The following THSD7A variants were observed in gnomAD, a reference collection of about 807,000 sequenced individuals.
THSD7A encodes thrombospondin type 1 domain containing 7A.
In THSD7A, 96 loss-of-function variants were observed where a neutral mutation model predicts 231.3. The observed-to-expected ratio is 0.41, with a 90% CI of 0.35 to 0.49. The LOEUF (loss-of-function observed/expected upper bound fraction) is 0.49, where lower values mean the gene tolerates loss of function less well. Ranked by LOEUF, THSD7A falls within the 20% of genes least tolerant of loss-of-function variation. The probability of loss-of-function intolerance (pLI) is 0.05; values close to 1 mark genes in which losing one functional copy is unlikely to be tolerated. For synonymous variants in THSD7A, 940 were observed against 743.3 expected, an observed-to-expected ratio of 1.26 and a Z score of -4.30; for missense variants, 2,290 against 2,070.2, an observed-to-expected ratio of 1.11 and a Z score of -2.06.
At chr7:11,486,473 A>T in intron 6 of THSD7A, among the ~76,000 whole-genome samples, 1 of 152,192 alleles carries the variant, frequency 6.6e-6, no homozygotes, top group East Asian at 1.9e-4. Context: ...AGATGTCCCC[A>T]CTATAGAACT....
chr7:11,756,918 A>G (rs959315407), intron 1 of THSD7A, among the ~76,000 whole-genome samples: 1 of 151,984 alleles, frequency 6.6e-6, no homozygotes, highest in East Asian at 1.9e-4. Flanking sequence ...AGGAAATAAC[A>G]TGTTCTTTAG....
At chr7:11,459,164 G>C (rs1785410697) in intron 11 of THSD7A, among the ~76,000 whole-genome samples, 1 of 151,748 alleles carries the variant, frequency 6.6e-6, no homozygotes, top group Non-Finnish European at 1.5e-5. Context: ...ATGAAAATTT[G>C]AATAATCCTA....
At chr7:11,510,870 G>C (rs902810856) in intron 6 of THSD7A, among the ~76,000 whole-genome samples, 12 of 152,072 alleles carry the variant, frequency 7.9e-5, no homozygotes, top group Admixed American at 6.5e-4. Flanking sequence ...TTGAAAACTG[G>C]CACAAGACAG....
chr7:11,520,664 A>G (rs1490056651), intron 6 of THSD7A, among the ~76,000 whole-genome samples: 1 of 152,222 alleles, frequency 6.6e-6, no homozygotes, highest in Admixed American at 6.5e-5. Flanking sequence ...AGTTGACAAA[A>G]GAGTTTACAA....
chr7:11,479,492 C>T (rs1786333865), intron 7 of THSD7A, among the ~76,000 whole-genome samples: 1 of 152,288 alleles, frequency 6.6e-6, no homozygotes, highest in East Asian at 1.9e-4. Context: ...ACATTTATGA[C>T]ACAAAGCACT....
chr7:11,416,175 T>G (rs1281853698), intron 17 of THSD7A, among the ~76,000 whole-genome samples: 1 of 152,198 alleles, frequency 6.6e-6, no homozygotes, highest in Non-Finnish European at 1.5e-5. Context: ...CTTCACCAAC[T>G]CTCTTTTATA....
intron 1 of THSD7A, among the ~76,000 whole-genome samples, chr7:11,822,984 T>C (rs537172801): frequency 2.4e-4 from 37 of 152,128 alleles, no homozygotes; most frequent in Admixed American, 1.3e-3. Context: ...ACTTTAGTTT[T>C]TGTTACCTGT....
chr7:11,584,788 C>G (rs937263275), intron 4 of THSD7A, among the ~76,000 whole-genome samples: 2 of 152,156 alleles, frequency 1.3e-5, no homozygotes, highest in African/African-American at 4.8e-5. Context: ...AATCTTGACT[C>G]ATGTCATTTG....
At chr7:11,518,016 A>C (rs1216904155) in intron 6 of THSD7A, among the ~76,000 whole-genome samples, 2 of 152,322 alleles carry the variant, frequency 1.3e-5, no homozygotes, top group East Asian at 3.9e-4. Flanking sequence ...GCAGAGACAG[A>C]AGGACCTGGA....
chr7:11,384,438 C>T (rs1183970739), intron 23 of THSD7A: 1 of 151,754 alleles, frequency 6.6e-6, no homozygotes, highest in Non-Finnish European at 1.5e-5. Context: ...GGAAATCCTT[C>T]TCTACCTTGA....
chr7:11,536,723 G>A (rs111849236), intron 6 of THSD7A, among the ~76,000 whole-genome samples: 1 of 151,940 alleles, frequency 6.6e-6, no homozygotes, highest in African/African-American at 2.4e-5. Flanking sequence ...TAATAAGCTC[G>A]ATGCATCTTC....
intron 13 of THSD7A, among the ~76,000 whole-genome samples, chr7:11,439,420 T>C (rs993727296): frequency 6.6e-6 from 1 of 152,030 alleles, no homozygotes; most frequent in Non-Finnish European, 1.5e-5. Context: ...ATTTTGGTAA[T>C]TCTTGCAATA....
rs1481538372 is a variant in THSD7A, at chr7:11,637,266, T to C, written c.191-305A>G. Among the ~76,000 whole-genome samples, 1 of 152,170 alleles carries C rather than the reference T, an allele frequency of 6.6e-6. No individual in the cohort carries two copies. Among genetic ancestry groups the C allele is most frequent in the African/African-American group, 2.4e-5 (1 of 41,446 alleles). ...TTAGGTAGTTAGAAATCCTTGCTGA[T>C]AAAGGACATCAGAAATTAGTCACAG... On this transcript the variant is annotated intron_variant, in intron 1 of 27. Coordinates refer to ENST00000423059, the MANE Select transcript of THSD7A (RefSeq NM_015204.3). The surrounding 1 kb of genome is among the most constrained non-coding windows in gnomAD (Gnocchi z 4.2).
At chr7:11,724,071 A>T (rs1313792658) in intron 1 of THSD7A, among the ~76,000 whole-genome samples, 1 of 151,954 alleles carries the variant, frequency 6.6e-6, no homozygotes, top group Non-Finnish European at 1.5e-5. Flanking sequence ...GATGGTGATT[A>T]GTTGTGTGAT....
chr7:11,773,532 CA>C (rs938874274), intron 1 of THSD7A, among the ~76,000 whole-genome samples: 2 of 150,920 alleles, frequency 1.3e-5, no homozygotes, highest in African/African-American at 4.9e-5. Context: ...GACTCCATCT[CA>C]AAAAAGAAAA....
chr7:11,744,261 G>A (rs1782203276), intron 1 of THSD7A, among the ~76,000 whole-genome samples: 3 of 151,636 alleles, frequency 2.0e-5, no homozygotes, highest in Admixed American at 6.6e-5. Flanking sequence ...CATTTCTCCT[G>A]AGATACATAC....
intron 1 of THSD7A, among the ~76,000 whole-genome samples, chr7:11,699,187 T>C (rs1780496710): frequency 6.6e-6 from 1 of 151,232 alleles, no homozygotes; most frequent in Non-Finnish European, 1.5e-5. Flanking sequence ...ATTTAAATAC[T>C]ACAGACTCAT....
At chr7:11,391,910 C>T (rs1178642983) in intron 23 of THSD7A, among the ~76,000 whole-genome samples, 1 of 152,080 alleles carries the variant, frequency 6.6e-6, no homozygotes, top group Non-Finnish European at 1.5e-5. Flanking sequence ...TTCAGCTTGC[C>T]CTCCGTGGGC....
Position 11,407,419 on chromosome 7 carries a change from C to T in THSD7A, c.3803G>A (p.Gly1268Asp). ...GTTCATCTGCCAGTTCTTCTCCAAG[C>T]CAAGCTGGAAGAACAGAGGTAGATC... is the stretch of plus-strand genomic sequence containing the variant. ...SVDLKYCEAL[G>D]LEKNWQMNTS... is the part of the protein sequence containing the mutation. Residue 1268 changes from glycine (G) to aspartate (D), a missense_variant, in exon 20 of 28, where the codon GGC (glycine) becomes GAC (aspartate). Physicochemically the swap from Gly to Asp is moderately conservative, Grantham distance 94. Coordinates refer to ENST00000423059, the MANE Select transcript of THSD7A (RefSeq NM_015204.3). The T allele has an allele frequency of 4.3e-6, 7 of 1,611,372 alleles. No homozygotes were observed. Among genetic ancestry groups the T allele is most frequent in the Non-Finnish European group, 5.9e-6 (7 of 1,178,562 alleles).
Sources: gnomAD v4.1 joint callset for allele counts (sites outside exome capture counted in the v4.1 genomes callset) on GRCh38, gnomAD v4.1.1 for gene constraint, Gnocchi (gnomAD v3.1) non-coding constraint, MANE v1.5 for transcripts, NCBI Gene and HGNC (gene_info 2026-07-23, HGNC 2026-07-21) for gene names.